Variants in DIAPH2 observed in about 807,000 individuals in gnomAD.
The protein encoded by DIAPH2 is diaphanous related formin 2.
Under a neutral mutation model 92.7 loss-of-function variants are expected in DIAPH2, and 35 were observed. The ratio of observed to expected loss-of-function variants is 0.38; its 90% CI spans 0.29 to 0.50. The LOEUF is 0.50. DIAPH2 is among the 20% of genes least tolerant of loss of function. The probability of loss-of-function intolerance (pLI) is 0.94; values close to 1 mark genes in which losing one functional copy is unlikely to be tolerated. For synonymous variants in DIAPH2, 301 were observed against 280.4 expected (o/e 1.07, Z -0.73); for missense variants, 701 against 819.5 (o/e 0.86, Z 1.77).
intron 4 of DIAPH2, among the ~76,000 whole-genome samples, chrX:96,787,199 G>A (rs764866820): frequency 8.6e-4 from 96 of 111,752 alleles, no homozygotes; most frequent in Non-Finnish European, 1.4e-3. Context: ...TGGAATTCAC[G>A]TATATAAAAC....
intron 1 of DIAPH2, among the ~76,000 whole-genome samples, chrX:96,696,961 A>T (rs182886373): frequency 8.9e-5 from 10 of 111,869 alleles, no homozygotes; most frequent in Admixed American, 3.8e-4. Flanking sequence ...CACTATGACC[A>T]TAAGTCCCAT....
At chrX:96,911,469 A>G (rs868619142) in intron 5 of DIAPH2, among the ~76,000 whole-genome samples, 1 of 111,119 alleles carries the variant, frequency 9.0e-6, no homozygotes, top group East Asian at 2.8e-4. Flanking sequence ...TGTCCAGCCA[A>G]TCTCCTAAAC....
chrX:97,104,418 T>C (rs976859127), intron 20 of DIAPH2, among the ~76,000 whole-genome samples: 1 of 110,493 alleles, frequency 9.1e-6, no homozygotes, highest in Non-Finnish European at 1.9e-5. Context: ...AAGAAAGTTC[T>C]CTCTGTGTCC....
chrX:97,037,815 C>A (rs1469316914), intron 17 of DIAPH2, among the ~76,000 whole-genome samples: 1 of 111,255 alleles, frequency 9.0e-6, no homozygotes, highest in Non-Finnish European at 1.9e-5. Context: ...TTTATTGGCT[C>A]TATAAAACTC....
intron 5 of DIAPH2, chrX:96,884,246 A>G (rs1362272238): frequency 9.6e-7 from 1 of 1,038,288 alleles, no homozygotes; most frequent in Non-Finnish European, 1.3e-6. Context: ...GGAGAACTCA[A>G]AGCCGTCCGT....
intron 22 of DIAPH2, among the ~76,000 whole-genome samples, chrX:97,214,993 A>T (rs2067872202): frequency 9.0e-6 from 1 of 111,107 alleles, no homozygotes; most frequent in Non-Finnish European, 1.9e-5. Flanking sequence ...AAATTTTAGT[A>T]ATTTCAGTAA....
intron 20 of DIAPH2, among the ~76,000 whole-genome samples, chrX:97,110,434 T>C (rs995057122): frequency 1.2e-4 from 13 of 111,901 alleles, no homozygotes; most frequent in African/African-American, 3.9e-4. Flanking sequence ...TATCATTTTA[T>C]TATTTTTTAG....
chrX:97,181,396 G>A (rs1261733951), intron 22 of DIAPH2, among the ~76,000 whole-genome samples: 3 of 109,617 alleles, frequency 2.7e-5, no homozygotes, highest in African/African-American at 1.0e-4. Context: ...ATGAGTATAT[G>A]TGTTGTTGTT....
At chrX:97,301,389 T>A (rs2068704676) in intron 23 of DIAPH2, among the ~76,000 whole-genome samples, 1 of 111,092 alleles carries the variant, frequency 9.0e-6, no homozygotes, top group African/African-American at 3.3e-5. Context: ...TAACATATCT[T>A]AGGTTATAAA....
chrX:97,467,320 T>C (rs754938201), intron 26 of DIAPH2, among the ~76,000 whole-genome samples: 2 of 112,583 alleles, frequency 1.8e-5, no homozygotes, highest in South Asian at 7.4e-4. Flanking sequence ...ATAGTTAGAC[T>C]AATTCCTTTT....
At chrX:97,172,993 T>A (rs942652699) in intron 22 of DIAPH2, among the ~76,000 whole-genome samples, 5 of 112,445 alleles carry the variant, frequency 4.4e-5, no homozygotes, top group African/African-American at 1.6e-4. Context: ...TAAGGTTCAG[T>A]TAAGTTGCCA....
intron 17 of DIAPH2, among the ~76,000 whole-genome samples, chrX:97,043,316 C>T (rs1301275511): frequency 1.8e-5 from 2 of 111,068 alleles, no homozygotes; most frequent in Non-Finnish European, 3.8e-5. Flanking sequence ...ACTGCTTCAC[C>T]TGAGTAATGT....
rs191118584 is a variant in DIAPH2 at position 96,712,980 on chromosome X, T to G, written c.133-22778T>G. 9.9e-5 allele frequency among the ~76,000 whole-genome samples: 11 copies of G among 111,483 alleles called. No homozygotes were observed. In the Admixed American group the frequency reaches 1.0e-3, roughly 11 times the overall value. On this transcript the variant is annotated intron_variant, in intron 1 of 26. Transcript: ENST00000324765. ...TTAGTGGTTCCCTATTTTCTTATGCTATTCGATCCCACTCATGATTTGTCT... is the reference window on the plus strand; with the variant it reads ...TTAGTGGTTCCCTATTTTCTTATGCGATTCGATCCCACTCATGATTTGTCT...
At chrX:97,331,508 T>G (rs1362839002) in intron 23 of DIAPH2, among the ~76,000 whole-genome samples, 1 of 111,971 alleles carries the variant, frequency 8.9e-6, no homozygotes, top group African/African-American at 3.2e-5. Flanking sequence ...GCTGAACAGC[T>G]TAGGAAATAC....
At chrX:96,976,473 A>G (rs575604222) in intron 17 of DIAPH2, among the ~76,000 whole-genome samples, 1 of 110,980 alleles carries the variant, frequency 9.0e-6, no homozygotes, top group Admixed American at 9.6e-5. Flanking sequence ...TTCTAAATAT[A>G]AATAATTGTT....
intron 17 of DIAPH2, among the ~76,000 whole-genome samples, chrX:97,028,882 A>G (rs1007377611): frequency 4.5e-5 from 5 of 111,613 alleles, no homozygotes; most frequent in Non-Finnish European, 7.5e-5. Flanking sequence ...ATTCTGAGGA[A>G]CTGTCAAACA....
intron 26 of DIAPH2, among the ~76,000 whole-genome samples, chrX:97,588,173 G>A (rs774618419): frequency 8.9e-5 from 10 of 112,099 alleles, no homozygotes; most frequent in African/African-American, 2.3e-4. Flanking sequence ...CCCATCTTAC[G>A]AATAAGGAAA....
At chrX:97,234,349 GA>G (rs1304135829) in intron 22 of DIAPH2, among the ~76,000 whole-genome samples, 8 of 95,191 alleles carry the variant, frequency 8.4e-5, no homozygotes, top group African/African-American at 3.1e-4. Flanking sequence ...AAAAAAAAAA[GA>G]AAAAAAGAAA....
intron 25 of DIAPH2, among the ~76,000 whole-genome samples, chrX:97,418,547 A>T (rs2069973288): frequency 8.9e-6 from 1 of 112,031 alleles, no homozygotes; most frequent in Non-Finnish European, 1.9e-5. Flanking sequence ...TGACCTCCTG[A>T]TGGTGCTCTG....
Sources: gnomAD v4.1 joint callset for allele counts (sites outside exome capture counted in the v4.1 genomes callset) on GRCh38, gnomAD v4.1.1 for gene constraint, MANE v1.5 for transcripts, NCBI Gene and HGNC (gene_info 2026-07-23, HGNC 2026-07-21) for gene names.